Variants in RFX3 observed in about 807,000 individuals in gnomAD.
The protein encoded by RFX3 is transcription factor RFX3.
A neutral mutation model predicts 98.6 loss-of-function variants in RFX3; 14 were observed. That is an observed-to-expected ratio of 0.14 (90% CI 0.09 to 0.22). The LOEUF (loss-of-function observed/expected upper bound fraction) is 0.22, where lower values mean the gene tolerates loss of function less well. Ranked by LOEUF, RFX3 falls within the 10% of genes least tolerant of loss-of-function variation. The probability of loss-of-function intolerance (pLI) is 1.00; values close to 1 mark genes in which losing one functional copy is unlikely to be tolerated. For missense variants in RFX3, 639 were observed against 926.9 expected (o/e 0.69, Z 4.03); for synonymous variants, 383 against 328.4 (o/e 1.17, Z -1.80).
chr9:3,233,089 G>C lies in RFX3; in HGVS notation c.1969-4200C>G, dbSNP rs552115462. Among the ~76,000 whole-genome samples the C allele has an allele frequency of 3.3e-5, 5 of 152,328 alleles. No homozygotes were observed. In the South Asian group the frequency reaches 8.3e-4, roughly 25 times the overall value. On this transcript the variant is annotated intron_variant, in intron 15 of 16. Transcript: ENST00000617270. ...CTATCCTATAGACTATTTCCTCTGG[G>C]TCCTGACTAGGGTCAAAATAACGAA...
chr9:3,496,685 A>G (rs1851130741), intron 1 of RFX3, among the ~76,000 whole-genome samples: 1 of 151,990 alleles, frequency 6.6e-6, no homozygotes, highest in Admixed American at 6.6e-5. Flanking sequence ...AAAATCTGGG[A>G]TCAAGGCAGT....
In RFX3 at chr9:3,277,476, T is replaced by C. The variant is rs1409768941; in HGVS notation, c.852-15A>G. The C allele has an allele frequency of 1.9e-6, 3 of 1,609,084 alleles. No individual in the cohort carries two copies. The highest frequency in any genetic ancestry group is 2.5e-6 in the Non-Finnish European group (3 of 1,176,928). On this transcript the variant is annotated splice_polypyrimidine_tract_variant and intron_variant, in intron 7 of 16. Transcript: ENST00000617270. ...TAGGCTTGTACCTAAAAATATTAGA[T>C]GGAAAAAAACAAATAAACCAAATTA...
At chr9:3,506,068 C>T (rs1414011212) in intron 1 of RFX3, among the ~76,000 whole-genome samples, 2 of 151,738 alleles carry the variant, frequency 1.3e-5, no homozygotes, top group Non-Finnish European at 2.9e-5. Context: ...AATTGAAGAG[C>T]ACTCCTTAAG....
chr9:3,292,525 G>A (rs533369603), intron 6 of RFX3, among the ~76,000 whole-genome samples: 2 of 152,238 alleles, frequency 1.3e-5, no homozygotes, highest in South Asian at 4.1e-4. Flanking sequence ...CATCACTGAG[G>A]AATTTAAACA....
At chr9:3,430,577 T>C (rs1181605663) in intron 1 of RFX3, among the ~76,000 whole-genome samples, 1 of 152,196 alleles carries the variant, frequency 6.6e-6, no homozygotes, top group Non-Finnish European at 1.5e-5. Context: ...ATGACACCAA[T>C]ATTTTTAATT....
intron 15 of RFX3, among the ~76,000 whole-genome samples, chr9:3,246,883 A>G (rs1172508004): frequency 2.0e-5 from 3 of 152,226 alleles, no homozygotes; most frequent in Non-Finnish European, 4.4e-5. Context: ...AAGGGGTTTT[A>G]AAGAAGTGGA....
At chr9:3,387,331 G>A (rs910199222) in intron 2 of RFX3, among the ~76,000 whole-genome samples, 2 of 151,920 alleles carry the variant, frequency 1.3e-5, no homozygotes, top group African/African-American at 4.8e-5. Flanking sequence ...CTTAGAACAT[G>A]GTATCTAGAA....
intron 1 of RFX3, among the ~76,000 whole-genome samples, chr9:3,509,285 C>T (rs907047153): frequency 6.6e-6 from 1 of 151,900 alleles, no homozygotes; most frequent in Non-Finnish European, 1.5e-5. Context: ...CAGTATTTTA[C>T]TTTTGTTCCA....
intron 2 of RFX3, among the ~76,000 whole-genome samples, chr9:3,352,250 G>A (rs1835234350): frequency 2.6e-5 from 4 of 151,960 alleles, no homozygotes; most frequent in Admixed American, 2.6e-4. Context: ...GTGTGTATGT[G>A]TGTGTGCATA....
chr9:3,375,541 A>G (rs879484207), intron 2 of RFX3, among the ~76,000 whole-genome samples: 1 of 152,244 alleles, frequency 6.6e-6, no homozygotes, highest in Non-Finnish European at 1.5e-5. Context: ...CTTACCAAAA[A>G]CATGACCTCA....
At chr9:3,471,613 G>T (rs144930459) in intron 1 of RFX3, among the ~76,000 whole-genome samples, 1 of 152,250 alleles carries the variant, frequency 6.6e-6, no homozygotes, top group East Asian at 1.9e-4. Flanking sequence ...TCCCAATATA[G>T]AATTACGTTT....
intron 1 of RFX3, among the ~76,000 whole-genome samples, chr9:3,485,102 AG>A (rs1445158236): frequency 6.6e-6 from 1 of 152,130 alleles, no homozygotes; most frequent in African/African-American, 2.4e-5. Context: ...ACAGAGCAAG[AG>A]CCTATCTCAA....
At chr9:3,423,919 G>A (rs1486704571) in intron 1 of RFX3, among the ~76,000 whole-genome samples, 4 of 151,056 alleles carry the variant, frequency 2.6e-5, no homozygotes, top group Non-Finnish European at 4.4e-5. Context: ...AGGCCGAGGC[G>A]GGGGGACCAC....
intron 2 of RFX3, among the ~76,000 whole-genome samples, chr9:3,383,801 G>A (rs1239813222): frequency 1.3e-5 from 2 of 152,156 alleles, no homozygotes; most frequent in East Asian, 3.9e-4. Context: ...TGGGGATGGG[G>A]GTTTCTGGTA....
intron 1 of RFX3, among the ~76,000 whole-genome samples, chr9:3,410,935 T>C (rs1205338707): frequency 6.6e-6 from 1 of 152,188 alleles, no homozygotes; most frequent in Non-Finnish European, 1.5e-5. Flanking sequence ...TTCTGTAATA[T>C]ATTAAAGCAA....
At chr9:3,406,520 A>T (rs1027507921) in intron 1 of RFX3, among the ~76,000 whole-genome samples, 3 of 151,944 alleles carry the variant, frequency 2.0e-5, no homozygotes, top group African/African-American at 7.3e-5. Flanking sequence ...CTCCAACAAG[A>T]CTATAAACTC....
chr9:3,269,975 C>T (rs639249), intron 11 of RFX3, among the ~76,000 whole-genome samples: 149,584 of 151,966 alleles, frequency 0.98, 73,662 homozygotes, highest in Middle Eastern at 1. Context: ...AATTTTTATA[C>T]GGTTGACTGG....
In RFX3 at chr9:3,225,741, G is replaced by C. The variant is rs112002139; in HGVS notation, c.2012-461C>G. Among the ~76,000 whole-genome samples the C allele has an allele frequency of 2.9e-3, 444 of 152,226 alleles. 2 individuals are homozygous for C. Among genetic ancestry groups the C allele is most frequent in the Middle Eastern group, 0.014 (4 of 294 alleles). On this transcript the variant is annotated intron_variant, in intron 16 of 16. Transcript: ENST00000617270. Reference sequence around the variant, plus strand: ...TATCTATGCTAGCGTTAATGTATAAGACCTATGTTGATTCTTAACATTATT... The same window carrying C: ...TATCTATGCTAGCGTTAATGTATAACACCTATGTTGATTCTTAACATTATT...
chr9:3,501,744 A>T (rs542310308), intron 1 of RFX3, among the ~76,000 whole-genome samples: 2 of 151,294 alleles, frequency 1.3e-5, no homozygotes, highest in South Asian at 4.2e-4. Flanking sequence ...TTTAGTAGAG[A>T]CAGGGCTTCA....
Sources: gnomAD v4.1 joint callset for allele counts (sites outside exome capture counted in the v4.1 genomes callset) on GRCh38, gnomAD v4.1.1 for gene constraint, MANE v1.5 for transcripts, NCBI Gene and HGNC (gene_info 2026-07-23, HGNC 2026-07-21) for gene names.